CDH12: variants seen among roughly 807,000 people sequenced by gnomAD.
CDH12 encodes cadherin 12.
In CDH12, 41 loss-of-function variants were observed where a neutral mutation model predicts 74.1. The observed-to-expected ratio is 0.55, with a 90% CI of 0.43 to 0.72. The LOEUF (loss-of-function observed/expected upper bound fraction) is 0.72. Among genes scored for constraint, CDH12 ranks in the 30% least tolerant of loss-of-function variants. The pLI, the probability that CDH12 is intolerant of heterozygous loss-of-function variation, is 0.00. For missense variants in CDH12, 945 were observed against 977.2 expected, an observed-to-expected ratio of 0.97 and a Z score of 0.44; for synonymous variants, 399 against 355.0, an observed-to-expected ratio of 1.12 and a Z score of -1.39.
intron 2 of CDH12, among the ~76,000 whole-genome samples, chr5:22,468,259 A>T (rs573499590): frequency 5.3e-5 from 8 of 152,332 alleles, no homozygotes; most frequent in African/African-American, 1.9e-4. Flanking sequence ...AACCATCCTT[A>T]CACAAAGAGA....
chr5:22,588,978 C>A (rs757076475), intron 1 of CDH12, among the ~76,000 whole-genome samples: 1 of 152,130 alleles, frequency 6.6e-6, no homozygotes, highest in East Asian at 1.9e-4. Flanking sequence ...CCTGATATAA[C>A]AGCCCTGTGT....
intron 1 of CDH12, among the ~76,000 whole-genome samples, chr5:22,697,587 A>AC (rs1742446850): frequency 6.7e-6 from 1 of 149,822 alleles, no homozygotes; most frequent in Non-Finnish European, 1.5e-5. Context: ...AAAAAAAAAA[A>AC]AAGAAAGAAA....
rs576552867 is a variant in CDH12 at position 22,205,500 on chromosome 5, C to A, written c.-187+6998G>T. ...TCACAATGATGGTAATATAAATTAT[C>A]CAAAATTTATATCTATATTAATGAA... On this transcript the variant is annotated intron_variant, in intron 4 of 14. Transcript: ENST00000382254. Among the ~76,000 whole-genome samples, 7 of 151,802 alleles carry A rather than the reference C, an allele frequency of 4.6e-5. No homozygotes were observed. In the South Asian group the frequency reaches 1.2e-3, roughly 27 times the overall value.
At chr5:21,862,336 A>C (rs571149368) in intron 6 of CDH12, among the ~76,000 whole-genome samples, 3 of 152,216 alleles carry the variant, frequency 2.0e-5, no homozygotes, top group African/African-American at 4.8e-5. Flanking sequence ...GCTTGGGATA[A>C]ATTTTAAGAA....
intron 1 of CDH12, among the ~76,000 whole-genome samples, chr5:22,643,745 TTTTTTTTTTTTTTTTC>T (rs1739280531): frequency 7.4e-6 from 1 of 134,834 alleles, no homozygotes; most frequent in Non-Finnish European, 1.6e-5. Flanking sequence ...TTTTTTTTTT[TTTTTTTTTTTTTTTTC>T]CACAAATTGA....
intron 4 of CDH12, among the ~76,000 whole-genome samples, chr5:22,210,616 T>C (rs1361329786): frequency 1.3e-5 from 2 of 152,082 alleles, no homozygotes; most frequent in African/African-American, 2.4e-5. Flanking sequence ...AACATAGATA[T>C]TTCATTAGAG....
chr5:22,664,962 T>G (rs1040391432), intron 1 of CDH12, among the ~76,000 whole-genome samples: 4 of 152,194 alleles, frequency 2.6e-5, no homozygotes, highest in African/African-American at 9.7e-5. Context: ...GTTTATTTGT[T>G]TTATGAATGG....
intron 3 of CDH12, among the ~76,000 whole-genome samples, chr5:22,342,824 C>T (rs1739931976): frequency 7.0e-6 from 1 of 142,804 alleles, no homozygotes; most frequent in African/African-American, 2.6e-5. Context: ...CTCTTTCTCT[C>T]TCTGTCTCTC....
chr5:22,518,212 A>T (rs1373369507), intron 1 of CDH12, among the ~76,000 whole-genome samples: 3 of 152,232 alleles, frequency 2.0e-5, no homozygotes, highest in Admixed American at 6.5e-5. Context: ...CTCAAACATC[A>T]CATGTGAAGG....
intron 6 of CDH12, among the ~76,000 whole-genome samples, chr5:21,939,774 G>C (rs1755248354): frequency 6.6e-6 from 1 of 152,122 alleles, no homozygotes; most frequent in Non-Finnish European, 1.5e-5. Flanking sequence ...TTGATTCTGA[G>C]TATTTACAGA....
chr5:22,113,794 A>G (rs905995753), intron 4 of CDH12, among the ~76,000 whole-genome samples: 3 of 152,114 alleles, frequency 2.0e-5, no homozygotes, highest in Non-Finnish European at 4.4e-5. Flanking sequence ...ATAATTTCTT[A>G]TTCTCTCTGC....
chr5:22,676,704 G>T (rs1741209033), intron 1 of CDH12, among the ~76,000 whole-genome samples: 1 of 152,148 alleles, frequency 6.6e-6, no homozygotes, highest in South Asian at 2.1e-4. Context: ...TGGTAAGCAA[G>T]CCACATAAGT....
At chr5:22,848,715 A>G (rs1737416776) in intron 1 of CDH12, among the ~76,000 whole-genome samples, 4 of 152,044 alleles carry the variant, frequency 2.6e-5, no homozygotes, top group Admixed American at 2.6e-4. Context: ...TCAGTGTGTA[A>G]CTCTAGCTTG....
At chr5:21,987,857 A>G (rs1173073649) in intron 5 of CDH12, among the ~76,000 whole-genome samples, 1 of 152,124 alleles carries the variant, frequency 6.6e-6, no homozygotes, top group East Asian at 1.9e-4. Flanking sequence ...TCAGAGATCA[A>G]TATTCAGTGC....
intron 5 of CDH12, among the ~76,000 whole-genome samples, chr5:22,006,619 A>G (rs575339633): frequency 2.0e-5 from 3 of 152,212 alleles, no homozygotes; most frequent in Admixed American, 6.5e-5. Context: ...ACCTATAGAT[A>G]TAACATTTAC....
chr5:22,471,911 T>C (rs1436772296), intron 2 of CDH12, among the ~76,000 whole-genome samples: 1 of 152,188 alleles, frequency 6.6e-6, no homozygotes, highest in African/African-American at 2.4e-5. Context: ...GAAGACTTTA[T>C]TCAAGAGAAG....
intron 6 of CDH12, among the ~76,000 whole-genome samples, chr5:21,880,619 CTTT>C (rs1449071215): frequency 0.023 from 1,124 of 49,736 alleles, 7 homozygotes; most frequent in African/African-American, 0.031. Flanking sequence ...TTCCTTCCTT[CTTT>C]CTTTCTTTCT....
chr5:22,109,601 C>A lies in CDH12; in HGVS notation c.-186-30739G>T, dbSNP rs756537766. Among the ~76,000 whole-genome samples, 14 of 152,164 alleles carry A rather than the reference C, an allele frequency of 9.2e-5. 1 individual carries two copies. The highest frequency in any genetic ancestry group is 4.6e-4 in the Admixed American group (7 of 15,264). ...AGCTGTTAGCTCACAAGCAGGCTGA[C>A]ATCTTAAGCACTTTACAGTCCTTAA... is the stretch of plus-strand genomic sequence containing the variant. On this transcript the variant is annotated intron_variant, in intron 4 of 14. Coordinates refer to ENST00000382254, the MANE Select transcript of CDH12 (RefSeq NM_004061.5).
chr5:22,484,634 T>C (rs540768648), intron 2 of CDH12, among the ~76,000 whole-genome samples: 1 of 152,302 alleles, frequency 6.6e-6, no homozygotes, highest in African/African-American at 2.4e-5. Flanking sequence ...TTTAACAATA[T>C]ATGTACTAAA....
Sources: gnomAD v4.1 joint callset for allele counts (sites outside exome capture counted in the v4.1 genomes callset) on GRCh38, gnomAD v4.1.1 for gene constraint, MANE v1.5 for transcripts, NCBI Gene and HGNC (gene_info 2026-07-23, HGNC 2026-07-21) for gene names.